AIMP1: variants seen among roughly 807,000 people sequenced by gnomAD.
AIMP1 encodes the protein aminoacyl tRNA synthase complex-interacting multifunctional protein 1.
Under a neutral mutation model 33.1 loss-of-function variants are expected in AIMP1, and 24 were observed. The observed-to-expected ratio is 0.73, with a 90% CI of 0.53 to 1.02. AIMP1 has a LOEUF of 1.02. Among genes scored for constraint, AIMP1 ranks in the 50% least tolerant of loss-of-function variants. The probability of loss-of-function intolerance (pLI) is 0.00; values close to 1 mark genes in which losing one functional copy is unlikely to be tolerated. For synonymous variants in AIMP1, 120 were observed against 121.5 expected (o/e 0.99, Z 0.08); for missense variants, 367 against 364.8 (o/e 1.01, Z -0.05).
intron 1 of AIMP1, among the ~76,000 whole-genome samples, chr4:106,320,948 G>C (rs1025353700): frequency 1.3e-5 from 2 of 152,148 alleles, no homozygotes; most frequent in African/African-American, 4.8e-5. Context: ...GGGTTTCACC[G>C]TGTTGGCCGG....
intron 3 of AIMP1, 43 bp from the exon 4 acceptor site, chr4:106,328,033 T>C: frequency 9.4e-6 from 15 of 1,603,304 alleles, no homozygotes; most frequent in Non-Finnish European, 1.3e-5. Flanking sequence ...TTGTCATATT[T>C]ATTGGTTTAA....
chr4:106,320,207 T>G (rs1769162662), intron 1 of AIMP1, among the ~76,000 whole-genome samples: 1 of 152,204 alleles, frequency 6.6e-6, no homozygotes, highest in South Asian at 2.1e-4. Context: ...GCATAGAGAT[T>G]AATGAAATGA....
chr4:106,327,634 A>G, intron 3 of AIMP1, 70 bp downstream of exon 3: 1 of 1,126,710 alleles, frequency 8.9e-7, no homozygotes, highest in South Asian at 1.3e-5. Context: ...ACAGTGAGGA[A>G]AGAAGTAAGA....
intron 5 of AIMP1, among the ~76,000 whole-genome samples, 195 bp downstream of exon 5, chr4:106,332,078 T>C (rs893578072): frequency 3.3e-5 from 5 of 152,130 alleles, no homozygotes; most frequent in Non-Finnish European, 7.4e-5. Context: ...ATCTGTAAAT[T>C]AAGATATAAT....
intron 1 of AIMP1, among the ~76,000 whole-genome samples, chr4:106,320,160 C>CTCAACCTTCAAATGTAAAATTGAACCT (rs1273021139): frequency 8.6e-6 from 1 of 115,968 alleles, no homozygotes; most frequent in East Asian, 2.6e-4. Flanking sequence ...TTGACTTATA[C>CTCAACCTTCAAATGTAAAATTGAACCT]TCAATGTAAA....
At chr4:106,324,883 C>G in intron 1 of AIMP1, 102 bp from the exon 2 acceptor site, 1 of 908,558 alleles carries the variant, frequency 1.1e-6, no homozygotes, top group Non-Finnish European at 1.5e-6. Flanking sequence ...TTATCTATTA[C>G]AGTAGAAAAT....
chr4:106,320,814 C>G (rs1258310754), intron 1 of AIMP1, among the ~76,000 whole-genome samples: 1 of 152,166 alleles, frequency 6.6e-6, no homozygotes, highest in Admixed American at 6.5e-5. Context: ...CTGGACTGTA[C>G]TGCCACCATC....
chr4:106,344,000 CTG>C (rs988323830), intron 6 of AIMP1, among the ~76,000 whole-genome samples: 1 of 152,174 alleles, frequency 6.6e-6, no homozygotes, highest in Non-Finnish European at 1.5e-5. Context: ...TCTTTCCCCA[CTG>C]TGTTTTGCCA....
chr4:106,321,857 ATTC>A (rs1244310851), intron 1 of AIMP1, among the ~76,000 whole-genome samples: 10 of 152,242 alleles, frequency 6.6e-5, no homozygotes, highest in Non-Finnish European at 1.5e-4. Flanking sequence ...ACTAAGAAAA[ATTC>A]TTCTGCCTTG....
chr4:106,316,197 C>A (rs992400716), upstream of AIMP1: 7 of 202,354 alleles, frequency 3.5e-5, no homozygotes, highest in East Asian at 3.5e-4. Flanking sequence ...CAGATCCGAG[C>A]TTTTCACCCT....
In AIMP1 at chr4:106,331,733, T is replaced by C; in HGVS notation, c.453T>C (p.Asp151=). The C allele has an allele frequency of 6.2e-7, 1 of 1,614,098 alleles. No homozygotes were observed. Among genetic ancestry groups the C allele is most frequent in the Non-Finnish European group, 8.5e-7 (1 of 1,179,984 alleles). The part of the protein sequence containing the change: ...IAGSADSKPI[D]VSRLDLRIGC... ...GAAGTGCCGACTCTAAGCCAATAGA[T>C]GTTTCCCGTCTGGATCTTCGAATTG... Residue 151 remains aspartate, a synonymous_variant, in exon 5 of 7, where the codon GAT becomes GAC. Transcript: ENST00000672341.
At chr4:106,330,200 A>T (rs1167246167) in intron 4 of AIMP1, among the ~76,000 whole-genome samples, 1 of 152,168 alleles carries the variant, frequency 6.6e-6, no homozygotes, top group Non-Finnish European at 1.5e-5. Context: ...TCATTTCTAG[A>T]ATGGGGATTC....
At chr4:106,323,627 C>G (rs1277273780) in intron 1 of AIMP1, among the ~76,000 whole-genome samples, 1 of 150,216 alleles carries the variant, frequency 6.7e-6, no homozygotes, top group Non-Finnish European at 1.5e-5. Flanking sequence ...AAAAACTATG[C>G]TCTTCTGAAT....
rs987811266 is a variant in AIMP1, at chr4:106,348,747, G to T, written c.*1055G>T. 6.6e-6 allele frequency: 1 copy of T among 152,172 alleles called. No homozygotes were observed. Among genetic ancestry groups the T allele is most frequent in the African/African-American group, 2.4e-5 (1 of 41,448 alleles). 9.4% of individuals were successfully genotyped at this position (152,172 alleles called of 1,614,324 possible). A position where few individuals can be genotyped will look rare whatever the true frequency, so the allele number is the denominator to read the frequency against. ...AGCAAGATAGGGAGTGTGGATAGGGGAGGGCTGGTAGCTAACAAGGGGCCT... is the reference window on the plus strand; with the variant it reads ...AGCAAGATAGGGAGTGTGGATAGGGTAGGGCTGGTAGCTAACAAGGGGCCT... On this transcript the variant is annotated 3_prime_UTR_variant, in exon 7 of 7. Coordinates refer to ENST00000672341, the MANE Select transcript of AIMP1 (RefSeq NM_001142416.2).
At chr4:106,343,794 T>C (rs1045429138) in intron 6 of AIMP1, among the ~76,000 whole-genome samples, 5 of 152,190 alleles carry the variant, frequency 3.3e-5, no homozygotes, top group African/African-American at 1.2e-4. Context: ...CTATTTATGA[T>C]CAAATAATAA....
At chr4:106,339,011 G>A (rs1769996806) in intron 6 of AIMP1, among the ~76,000 whole-genome samples, 1 of 152,156 alleles carries the variant, frequency 6.6e-6, no homozygotes. Flanking sequence ...TGGGGCCTAT[G>A]GGCCCTTTGT....
intron 1 of AIMP1, among the ~76,000 whole-genome samples, chr4:106,320,172 T>C (rs965952661): frequency 3.9e-5 from 6 of 152,128 alleles, no homozygotes; most frequent in African/African-American, 1.2e-4. Flanking sequence ...CAATGTAAAA[T>C]TGAAAAATCA....
At chr4:106,325,167 C>T (rs1397623596) in intron 2 of AIMP1, 49 bp downstream of exon 2, 1 of 1,473,538 alleles carries the variant, frequency 6.8e-7, no homozygotes, top group Non-Finnish European at 9.4e-7. Flanking sequence ...TGAATTCATA[C>T]ATTGATGGAG....
rs779072835 is a variant in AIMP1, at chr4:106,331,782, C to A, written c.502C>A (p.His168Asn). 1 of 1,613,994 alleles carries A rather than the reference C, an allele frequency of 6.2e-7. No homozygotes were observed. Among genetic ancestry groups the A allele is most frequent in the Non-Finnish European group, 8.5e-7 (1 of 1,180,000 alleles). ...RIGCIITARK[H>N]PDADSLYVEE... is the part of the protein sequence containing the mutation. The stretch of plus-strand genomic sequence containing the variant: ...TGGTTGCATCATAACTGCTAGAAAA[C>A]ACCCTGATGCAGATTCTTTGTATGT... The change falls in exon 5 of 7, where the codon CAC (histidine) becomes AAC (asparagine). Residue 168 changes from histidine to asparagine, a missense_variant. His to Asn is a moderately conservative substitution (Grantham distance 68). Coordinates refer to ENST00000672341, the MANE Select transcript of AIMP1 (RefSeq NM_001142416.2).
Sources: gnomAD v4.1 joint callset for allele counts (sites outside exome capture counted in the v4.1 genomes callset) on GRCh38, gnomAD v4.1.1 for gene constraint, MANE v1.5 for transcripts, NCBI Gene and HGNC (gene_info 2026-07-23, HGNC 2026-07-21) for gene names.